The following FGF23 variants were observed in gnomAD, a reference collection of about 807,000 sequenced individuals.
FGF23 encodes phosphatonin.
A neutral mutation model predicts 9.0 loss-of-function variants in FGF23; 8 were observed. The observed-to-expected ratio is 0.89, with a 90% CI of 0.52 to 1.60. The LOEUF is 1.60. FGF23 is among the 40% of genes most tolerant of loss of function. The pLI, the probability that FGF23 is intolerant of heterozygous loss-of-function variation, is 0.00. For missense variants in FGF23, 311 were observed against 344.3 expected, an observed-to-expected ratio of 0.90 and a Z score of 0.77; for synonymous variants, 118 against 146.2, an observed-to-expected ratio of 0.81 and a Z score of 1.39.
Position 4,368,901 on chromosome 12 carries a change from A to T in FGF23, c.*1442T>A, listed in dbSNP as rs1333112340. On this transcript the variant is annotated 3_prime_UTR_variant, in exon 3 of 3. Coordinates refer to ENST00000237837, the MANE Select transcript of FGF23 (RefSeq NM_020638.3). The stretch of plus-strand genomic sequence containing the variant: ...AACATTTCTCTCATAACCAAAAAGA[A>T]TAGATCAAAGTATAAGGTTAGTATG... The T allele has an allele frequency of 1.3e-5, 3 of 222,314 alleles. No individual in the cohort carries two copies. The highest frequency in any genetic ancestry group is 6.7e-5 in the African/African-American group (3 of 44,870). 13.8% of individuals were successfully genotyped at this position (222,314 alleles called of 1,614,324 possible). A position where few individuals can be genotyped will look rare whatever the true frequency, so the allele number is the denominator to read the frequency against.
intron 1 of FGF23, among the ~76,000 whole-genome samples, chr12:4,374,941 G>A (rs1865102120): frequency 6.6e-6 from 1 of 152,150 alleles, no homozygotes; most frequent in Non-Finnish European, 1.5e-5. Flanking sequence ...CTAAGAGTCT[G>A]AGAAGACAAT....
chr12:4,379,468 G>T lies in FGF23; in HGVS notation c.115C>A (p.Leu39Met), dbSNP rs1287649555. Residue 39 changes from leucine (L) to methionine (M), a missense_variant, in exon 1 of 3, where the codon CTG becomes ATG. Physicochemically the swap from Leu to Met is conservative, Grantham distance 15 (BLOSUM62 2). Coordinates refer to ENST00000237837, the MANE Select transcript of FGF23 (RefSeq NM_020638.3). Reference sequence around the variant, plus strand: ...GCTGTGGCTGTGTACAGGTGGATCAGGCCACCCCAGCTGGAGCCGAGCAGT... The same window carrying T: ...GCTGTGGCTGTGTACAGGTGGATCATGCCACCCCAGCTGGAGCCGAGCAGT... ...SPLLGSSWGGLIHLYTATARN... is the reference protein window; with the variant it reads ...SPLLGSSWGGMIHLYTATARN... 1.2e-6 allele frequency: 2 copies of T among 1,613,494 alleles called. No homozygotes were observed. The highest frequency in any genetic ancestry group is 1.7e-6 in the Non-Finnish European group (2 of 1,180,012).
intron 1 of FGF23, among the ~76,000 whole-genome samples, chr12:4,376,631 T>C (rs1393872305): frequency 6.6e-6 from 1 of 152,034 alleles, no homozygotes; most frequent in East Asian, 1.9e-4. Context: ...AAGCGATTCT[T>C]CTGCCTCAGC....
rs1865039021 is a variant in FGF23, at chr12:4,369,730, A to C, written c.*613T>G. ...CATCAAGTCTAGCTGTCAAGTTTTC[A>C]CCAGCCTACCACCAGTCTTTTGACA... On this transcript the variant is annotated 3_prime_UTR_variant, in exon 3 of 3. Coordinates refer to ENST00000237837, the MANE Select transcript of FGF23 (RefSeq NM_020638.3). 1 of 229,206 alleles carries C rather than the reference A, an allele frequency of 4.4e-6. No homozygotes were observed. The highest frequency in any genetic ancestry group is 2.2e-5 in the African/African-American group (1 of 45,106). The allele number at this position is 229,206 out of a possible 1,614,324, so 14.2% of individuals were successfully genotyped here. A position where few individuals can be genotyped will look rare whatever the true frequency, so the allele number is the denominator to read the frequency against.
intron 1 of FGF23, among the ~76,000 whole-genome samples, chr12:4,377,593 G>A (rs1865132187): frequency 1.4e-5 from 2 of 143,640 alleles, no homozygotes; most frequent in African/African-American, 5.1e-5. Flanking sequence ...ACCACGCCTG[G>A]CTAATTTTTT....
chr12:4,375,673 G>A (rs1208931671), intron 1 of FGF23, among the ~76,000 whole-genome samples: 2 of 152,162 alleles, frequency 1.3e-5, no homozygotes, highest in Non-Finnish European at 2.9e-5. Flanking sequence ...TGGGGTCAAG[G>A]TGTCCTCTAG....
rs141270801 is a variant in FGF23 at position 4,369,059 on chromosome 12, G to A, written c.*1284C>T. 43 of 227,402 alleles carry A rather than the reference G, an allele frequency of 1.9e-4. No homozygotes were observed. In the Middle Eastern group the frequency reaches 6.6e-3, roughly 35 times the overall value. The allele number at this position is 227,402 out of a possible 1,614,324, so 14.1% of individuals were successfully genotyped here. ...ATGGAGCCCCCTTACAGGAAGAACC[G>A]CAGTAATGGGGTAAGGCTTCATTTA... On this transcript the variant is annotated 3_prime_UTR_variant, in exon 3 of 3. Coordinates refer to ENST00000237837, the MANE Select transcript of FGF23 (RefSeq NM_020638.3).
At chr12:4,376,732 T>A (rs1312844513) in intron 1 of FGF23, among the ~76,000 whole-genome samples, 1 of 152,210 alleles carries the variant, frequency 6.6e-6, no homozygotes, top group Non-Finnish European at 1.5e-5. Context: ...TTGGCCAGAC[T>A]GGTCTCGAAC....
At chr12:4,373,631 C>G (rs1591673421) in intron 1 of FGF23, among the ~76,000 whole-genome samples, 1 of 152,214 alleles carries the variant, frequency 6.6e-6, no homozygotes, top group African/African-American at 2.4e-5. Flanking sequence ...AACCCATTCA[C>G]ACGACCTACC....
chr12:4,370,440 G>A lies in FGF23; in HGVS notation c.659C>T (p.Ala220Val). ...LPSAEDNSPM[A>V]SDPLGVVRGG... ...CCTGACCACCCCTAATGGGTCACTG[G>A]CCATCGGGCTGTTGTCCTCGGCGCT... Residue 220 changes from alanine to valine, a missense_variant, in exon 3 of 3, where the codon GCC becomes GTC. By Grantham distance (64) the Ala-to-Val change is moderately conservative. Transcript: ENST00000237837. 3 of 1,613,562 alleles carry A rather than the reference G, an allele frequency of 1.9e-6. No homozygotes were observed. Among genetic ancestry groups the A allele is most frequent in the Non-Finnish European group, 2.5e-6 (3 of 1,179,822 alleles).
chr12:4,370,794 A>G lies in FGF23; in HGVS notation c.316-11T>C, dbSNP rs752818628. The G allele has an allele frequency of 6.2e-7, 1 of 1,613,488 alleles. No homozygotes were observed. The highest frequency in any genetic ancestry group is 8.5e-7 in the Non-Finnish European group (1 of 1,179,876). ...CGGGTCGAAATAGTGCTGGAAGGACAAGAGCGAACCACGTGAAGGCTGGCA... is the reference window on the plus strand; with the variant it reads ...CGGGTCGAAATAGTGCTGGAAGGACGAGAGCGAACCACGTGAAGGCTGGCA... On this transcript the variant is annotated splice_polypyrimidine_tract_variant and intron_variant, in intron 2 of 2. Transcript: ENST00000237837.
At position 4,370,393 on chromosome 12, in the gene FGF23, C is replaced by A. The variant is rs371972859; in HGVS notation, c.706G>T (p.Ala236Ser). The change falls in exon 3 of 3, where the codon GCT becomes TCT. Residue 236 changes from alanine (A) to serine (S), a missense_variant. Physicochemically the swap from Ala to Ser is moderately conservative, Grantham distance 99. Transcript: ENST00000237837. ...CAGCCTTCCGGGCCCGTTCCCCCAG[C>A]GTGCGTGTTCACTCGACCGCCCCTG... ...VVRGGRVNTH[A>S]GGTGPEGCRP... 14 of 1,613,756 alleles carry A rather than the reference C, an allele frequency of 8.7e-6. No individual in the cohort carries two copies. Among genetic ancestry groups the A allele is most frequent in the Middle Eastern group, 1.6e-4 (1 of 6,062 alleles).
chr12:4,379,583 C>A lies in FGF23; in HGVS notation c.-1G>T. The A allele has an allele frequency of 6.3e-7, 1 of 1,595,192 alleles. No homozygotes were observed. The highest frequency in any genetic ancestry group is 1.1e-5 in the South Asian group (1 of 89,640). ...AGAGCCTGAGGCGGGCCCCCAACAT[C>A]GTGCCCTGCTCTGAGTGGCTGGTGC... On this transcript the variant is annotated 5_prime_UTR_variant, in exon 1 of 3. Coordinates refer to ENST00000237837, the MANE Select transcript of FGF23 (RefSeq NM_020638.3).
chr12:4,373,385 T>C (rs1168057057), intron 1 of FGF23, among the ~76,000 whole-genome samples: 1 of 152,236 alleles, frequency 6.6e-6, no homozygotes, highest in East Asian at 1.9e-4. Context: ...TGTATTCCAT[T>C]TAACTTGCTT....
At chr12:4,378,772 GGA>G (rs1865146172) in intron 1 of FGF23, among the ~76,000 whole-genome samples, 1 of 150,452 alleles carries the variant, frequency 6.6e-6, no homozygotes. Flanking sequence ...ATGGATGGAT[GGA>G]TGCATGGACA....
In FGF23 at chr12:4,368,775, G is replaced by T. The variant is rs1244645777; in HGVS notation, c.*1568C>A. ...TGAAAACAGAAATATTAAAATATTTGCCATGCATGGCTATATACTATTATA... is the reference window on the plus strand; with the variant it reads ...TGAAAACAGAAATATTAAAATATTTTCCATGCATGGCTATATACTATTATA... On this transcript the variant is annotated 3_prime_UTR_variant, in exon 3 of 3. Transcript: ENST00000237837. 4.9e-6 allele frequency: 1 copy of T among 205,966 alleles called. No homozygotes were observed. The highest frequency in any genetic ancestry group is 9.9e-6 in the Non-Finnish European group (1 of 100,928). The allele number at this position is 205,966 out of a possible 1,614,324, so 12.8% of individuals were successfully genotyped here.
chr12:4,369,185 A>G lies in FGF23; in HGVS notation c.*1158T>C. ...CTGCTGCTGCAGAGCCCTAGAGACC[A>G]CAGACAAGAGCCTGACCATGTGGTT... On this transcript the variant is annotated 3_prime_UTR_variant, in exon 3 of 3. Coordinates refer to ENST00000237837, the MANE Select transcript of FGF23 (RefSeq NM_020638.3). The G allele has an allele frequency of 4.3e-6, 1 of 231,644 alleles. No individual in the cohort carries two copies. Among genetic ancestry groups the G allele is most frequent in the Non-Finnish European group, 8.5e-6 (1 of 117,016 alleles). The allele number at this position is 231,644 out of a possible 1,614,324, so 14.3% of individuals were successfully genotyped here.
chr12:4,372,225 T>A (rs1246604719), intron 2 of FGF23, among the ~76,000 whole-genome samples: 2 of 149,054 alleles, frequency 1.3e-5, no homozygotes, highest in Admixed American at 1.3e-4. Context: ...TACCTAATGC[T>A]AGATGATGAG....
intron 2 of FGF23, among the ~76,000 whole-genome samples, chr12:4,372,351 A>G (rs1267728859): frequency 1.3e-5 from 2 of 152,100 alleles, no homozygotes; most frequent in South Asian, 4.1e-4. Context: ...GTGGGTTCCA[A>G]TGGGCAGTGC....
Sources: gnomAD v4.1 joint callset for allele counts (sites outside exome capture counted in the v4.1 genomes callset) on GRCh38, gnomAD v4.1.1 for gene constraint, MANE v1.5 for transcripts, NCBI Gene and HGNC (gene_info 2026-07-23, HGNC 2026-07-21) for gene names.